HECW2: variants seen among roughly 807,000 people sequenced by gnomAD.
HECW2 encodes the protein HECT, C2 and WW domain containing E3 ubiquitin protein ligase 2.
A neutral mutation model predicts 175.2 loss-of-function variants in HECW2; 61 were observed. The observed-to-expected ratio is 0.35, with a 90% CI of 0.28 to 0.43. HECW2 has a LOEUF of 0.43. Ranked by LOEUF, HECW2 falls within the 20% of genes least tolerant of loss-of-function variation. The pLI, the probability that HECW2 is intolerant of heterozygous loss-of-function variation, is 1.00. For synonymous variants in HECW2, 671 were observed against 731.0 expected (o/e 0.92, Z 1.32); for missense variants, 1,524 against 2,000.5 (o/e 0.76, Z 4.54).
chr2:196,240,654 C>T (rs1575276916), intron 20 of HECW2, 92 bp from the exon 21 acceptor site: 1 of 1,189,010 alleles, frequency 8.4e-7, no homozygotes, highest in East Asian at 2.8e-5. Flanking sequence ...CCATTTGCCA[C>T]AATTAACTAG....
At chr2:196,386,615 CCTT>C (rs1485469569) in intron 2 of HECW2, among the ~76,000 whole-genome samples, 2 of 152,246 alleles carry the variant, frequency 1.3e-5, no homozygotes, top group East Asian at 3.9e-4. Context: ...ATATCCTTGG[CCTT>C]CTTTGCTCTG....
intron 1 of HECW2, among the ~76,000 whole-genome samples, chr2:196,469,126 T>TGTGC (rs1411350068): frequency 2.0e-5 from 2 of 100,742 alleles, no homozygotes; most frequent in African/African-American, 5.1e-5. Flanking sequence ...TGTGCGTGTG[T>TGTGC]GTGTGTGTGT....
intron 14 of HECW2, among the ~76,000 whole-genome samples, chr2:196,284,587 A>C (rs1197842601): frequency 6.6e-6 from 1 of 152,210 alleles, no homozygotes; most frequent in African/African-American, 2.4e-5. Flanking sequence ...GAATTGTGAA[A>C]AATAGATTCT....
chr2:196,456,309 T>G (rs910343174), intron 1 of HECW2, among the ~76,000 whole-genome samples: 3 of 152,150 alleles, frequency 2.0e-5, no homozygotes, highest in African/African-American at 7.2e-5. Context: ...TAAAGCAGAA[T>G]AAGAACATAT....
chr2:196,578,641 G>T (rs1400143061), intron 1 of HECW2, among the ~76,000 whole-genome samples: 1 of 152,170 alleles, frequency 6.6e-6, no homozygotes, highest in Non-Finnish European at 1.5e-5. Context: ...CAGGGAACCT[G>T]AATAAAAATA....
intron 1 of HECW2, among the ~76,000 whole-genome samples, chr2:196,534,266 C>T (rs1402730535): frequency 1.4e-5 from 2 of 147,452 alleles, no homozygotes; most frequent in Non-Finnish European, 3.0e-5. Flanking sequence ...GTGTCAGGGC[C>T]TCCGTTTTTG....
chr2:196,411,653 A>C (rs1461612112), intron 2 of HECW2, among the ~76,000 whole-genome samples: 2 of 152,262 alleles, frequency 1.3e-5, no homozygotes, highest in Non-Finnish European at 2.9e-5. Flanking sequence ...AGAGCTGGCC[A>C]ACAAGGCCTT....
At chr2:196,499,459 A>G (rs1687507135) in intron 1 of HECW2, among the ~76,000 whole-genome samples, 1 of 152,182 alleles carries the variant, frequency 6.6e-6, no homozygotes, top group Non-Finnish European at 1.5e-5. Flanking sequence ...TTTACATTAC[A>G]AATATAAATA....
chr2:196,484,743 C>A (rs1344647901), intron 1 of HECW2, among the ~76,000 whole-genome samples: 2 of 152,168 alleles, frequency 1.3e-5, no homozygotes, highest in Non-Finnish European at 2.9e-5. Context: ...CACCGCCCTC[C>A]CCAACCCCGG....
intron 28 of HECW2, among the ~76,000 whole-genome samples, chr2:196,205,480 A>AT (rs1468633403): frequency 7.9e-5 from 12 of 152,300 alleles, no homozygotes; most frequent in East Asian, 1.9e-4. Context: ...AGCTTCAGAT[A>AT]TTTTTTAAAT....
chr2:196,232,494 C>T (rs1688095431), intron 21 of HECW2, among the ~76,000 whole-genome samples: 1 of 152,054 alleles, frequency 6.6e-6, no homozygotes, highest in African/African-American at 2.4e-5. Context: ...TTGATGCTTT[C>T]TAAAGAAAAA....
chr2:196,368,049 T>C (rs1272184492), intron 2 of HECW2, among the ~76,000 whole-genome samples: 2 of 152,154 alleles, frequency 1.3e-5, no homozygotes, highest in South Asian at 2.1e-4. Flanking sequence ...TAGGTTGCTT[T>C]CAAATCTTGG....
chr2:196,261,328 TC>T (rs1223788920), intron 17 of HECW2, among the ~76,000 whole-genome samples: 6 of 152,218 alleles, frequency 3.9e-5, no homozygotes. Flanking sequence ...CCTGGCTTAT[TC>T]TAAGAACAAA....
intron 1 of HECW2, among the ~76,000 whole-genome samples, chr2:196,533,205 T>G (rs1335374373): frequency 1.3e-5 from 2 of 152,234 alleles, no homozygotes; most frequent in African/African-American, 4.8e-5. Flanking sequence ...GGTGAACTTA[T>G]AAATTATAAT....
At chr2:196,354,315 T>C (rs532713781) in intron 2 of HECW2, among the ~76,000 whole-genome samples, 10 of 152,350 alleles carry the variant, frequency 6.6e-5, no homozygotes, top group Admixed American at 6.5e-4. Context: ...GTGACATGGC[T>C]GGTCCAGCCA....
At chr2:196,271,512 T>C (rs1389283102) in intron 16 of HECW2, among the ~76,000 whole-genome samples, 1 of 152,082 alleles carries the variant, frequency 6.6e-6, no homozygotes, top group East Asian at 1.9e-4. Flanking sequence ...GATCTCAAAC[T>C]CCTGACCTCA....
chr2:196,525,186 G>T (rs1260326546), intron 1 of HECW2, among the ~76,000 whole-genome samples: 1 of 148,124 alleles, frequency 6.8e-6, no homozygotes, highest in East Asian at 2.0e-4. Context: ...ATATATTTAG[G>T]ATAATTAGCT....
At chr2:196,557,279 C>G (rs1473276396) in intron 1 of HECW2, among the ~76,000 whole-genome samples, 4 of 151,968 alleles carry the variant, frequency 2.6e-5, no homozygotes, top group African/African-American at 9.7e-5. Context: ...CCTGTAATCC[C>G]AGCTACTTGG....
intron 1 of HECW2, among the ~76,000 whole-genome samples, chr2:196,472,123 C>A (rs140472325): frequency 6.6e-6 from 1 of 150,776 alleles, no homozygotes; most frequent in Non-Finnish European, 1.5e-5. Context: ...ATTTAGAGGG[C>A]GAAAAAAAAA....
Sources: allele counts gnomAD v4.1 joint callset (sites outside exome capture counted in the v4.1 genomes callset), GRCh38; gene constraint gnomAD v4.1.1; transcripts MANE v1.5; gene names NCBI Gene and HGNC (gene_info 2026-07-23, HGNC 2026-07-21).